ALOX5AP: variants seen among roughly 807,000 people sequenced by gnomAD.
The protein encoded by ALOX5AP is arachidonate 5-lipoxygenase-activating protein.
A neutral mutation model predicts 18.5 loss-of-function variants in ALOX5AP; 9 were observed. That is an observed-to-expected ratio of 0.49 (90% CI 0.29 to 0.85). The LOEUF (loss-of-function observed/expected upper bound fraction) is 0.85. Among genes scored for constraint, ALOX5AP ranks in the 40% least tolerant of loss-of-function variants. The probability of loss-of-function intolerance (pLI) is 0.08; values close to 1 mark genes in which losing one functional copy is unlikely to be tolerated. For missense variants in ALOX5AP, 172 were observed against 202.5 expected (o/e 0.85, Z 0.91); for synonymous variants, 81 against 78.6 (o/e 1.03, Z -0.16).
rs59980433 is a variant in ALOX5AP, at chr13:30,741,103, C to CTTTTTTTTTTTTTTTTT, written c.71-2938_71-2922dup. 1.9e-4 allele frequency among the ~76,000 whole-genome samples: 12 copies of CTTTTTTTTTTTTTTTTT among 64,008 alleles called. 2 individuals are homozygous for CTTTTTTTTTTTTTTTTT. The highest frequency in any genetic ancestry group is 2.5e-4 in the Non-Finnish European group (9 of 36,054). 42.0% of individuals were successfully genotyped at this position (64,008 alleles called of 152,430 possible). A position where few individuals can be genotyped will look rare whatever the true frequency, so the allele number is the denominator to read the frequency against. Reference sequence around the variant, plus strand: ...TTAACCTACACACATCCTCCATATCCTTTTTTTTTTTTTTTTTTTTTTTTT... The same window carrying CTTTTTTTTTTTTTTTTT: ...TTAACCTACACACATCCTCCATATCCTTTTTTTTTTTTTTTTTTTTTTTTTTTTTTTTTTTTTTTTTT... On this transcript the variant is annotated intron_variant, in intron 1 of 4. Transcript: ENST00000380490.
intron 1 of ALOX5AP, among the ~76,000 whole-genome samples, chr13:30,729,476 T>A (rs1951663984): frequency 6.6e-6 from 1 of 152,140 alleles, no homozygotes; most frequent in Non-Finnish European, 1.5e-5. Flanking sequence ...AACTGAATGT[T>A]CCCAAGGCAG....
intron 1 of ALOX5AP, among the ~76,000 whole-genome samples, chr13:30,727,801 A>T (rs114616845): frequency 1.6e-3 from 244 of 152,244 alleles, no homozygotes; most frequent in African/African-American, 5.5e-3. Context: ...TTCTAGCCCA[A>T]CCTGTGGTTT....
intron 1 of ALOX5AP, among the ~76,000 whole-genome samples, chr13:30,743,185 G>A (rs1307613116): frequency 6.6e-6 from 1 of 151,996 alleles, no homozygotes; most frequent in African/African-American, 2.4e-5. Flanking sequence ...TGAAGACCTG[G>A]CTCAGTTATT....
intron 1 of ALOX5AP, among the ~76,000 whole-genome samples, chr13:30,715,767 C>G (rs1202593345): frequency 6.6e-6 from 1 of 151,860 alleles, no homozygotes; most frequent in Non-Finnish European, 1.5e-5. Context: ...ATGATCATCC[C>G]CTTGGGCTTC....
At chr13:30,760,645 A>G (rs1951933950) in intron 4 of ALOX5AP, among the ~76,000 whole-genome samples, 1 of 152,242 alleles carries the variant, frequency 6.6e-6, no homozygotes, top group Non-Finnish European at 1.5e-5. Flanking sequence ...TCACACAGGC[A>G]GGTCTGAACT....
At chr13:30,740,788 GA>G (rs1222937379) in intron 1 of ALOX5AP, among the ~76,000 whole-genome samples, 4 of 152,178 alleles carry the variant, frequency 2.6e-5, no homozygotes, top group Non-Finnish European at 4.4e-5. Context: ...GTGGGAGAAG[GA>G]GCAATGAAAT....
chr13:30,715,692 A>G (rs552730716), intron 1 of ALOX5AP, among the ~76,000 whole-genome samples: 1 of 152,296 alleles, frequency 6.6e-6, no homozygotes, highest in African/African-American at 2.4e-5. Context: ...GGTCTTTCCC[A>G]TGAGGATATG....
intron 4 of ALOX5AP, among the ~76,000 whole-genome samples, chr13:30,756,883 C>G (rs1951900720): frequency 6.8e-6 from 1 of 147,882 alleles, no homozygotes; most frequent in South Asian, 2.2e-4. Context: ...ATCACCATTG[C>G]ATTGTTTATA....
chr13:30,735,266 C>A (rs976456347), upstream of ALOX5AP, among the ~76,000 whole-genome samples: 1 of 151,846 alleles, frequency 6.6e-6, no homozygotes, highest in Non-Finnish European at 1.5e-5. Context: ...GTGCTGGGCT[C>A]GTGCTGGTCA....
intron 4 of ALOX5AP, among the ~76,000 whole-genome samples, chr13:30,758,786 C>T (rs1226440249): frequency 6.6e-6 from 1 of 151,122 alleles, no homozygotes; most frequent in Admixed American, 6.6e-5. Flanking sequence ...TTCTCTTTTC[C>T]CCTTCCCTTC....
chr13:30,718,318 A>G (rs2137784922), intron 1 of ALOX5AP, among the ~76,000 whole-genome samples: 1 of 151,134 alleles, frequency 6.6e-6, no homozygotes, highest in Admixed American at 6.6e-5. Context: ...TTATAACAAG[A>G]CTGTAGTAAG....
At chr13:30,763,257 G>A (rs1440394794) in intron 4 of ALOX5AP, among the ~76,000 whole-genome samples, 1 of 152,186 alleles carries the variant, frequency 6.6e-6, no homozygotes, top group Middle Eastern at 3.2e-3. Flanking sequence ...GCAGTGAGCC[G>A]AGATTGCACC....
intron 4 of ALOX5AP, among the ~76,000 whole-genome samples, chr13:30,757,203 T>G (rs1183879998): frequency 6.6e-6 from 1 of 152,132 alleles, no homozygotes; most frequent in Non-Finnish European, 1.5e-5. Context: ...GCTCTATGAT[T>G]AGATAGCATC....
intron 1 of ALOX5AP, among the ~76,000 whole-genome samples, chr13:30,716,608 C>G (rs1193495794): frequency 6.6e-6 from 1 of 152,186 alleles, no homozygotes; most frequent in Non-Finnish European, 1.5e-5. Flanking sequence ...ATATCAGCCC[C>G]CCTGCAATGA....
intron 2 of ALOX5AP, among the ~76,000 whole-genome samples, chr13:30,744,680 T>C (rs1951795142): frequency 1.3e-5 from 2 of 152,232 alleles, no homozygotes; most frequent in African/African-American, 2.4e-5. Context: ...TAGCAGGTGC[T>C]TTCCCCCTCT....
At chr13:30,745,614 A>T (rs17238773) in intron 2 of ALOX5AP, among the ~76,000 whole-genome samples, 11,441 of 152,344 alleles carry the variant, frequency 0.075, 538 homozygotes, top group East Asian at 0.11. Context: ...TCTTCCATGT[A>T]TTAATTCTCA....
chr13:30,748,723 A>T (rs372847754), intron 2 of ALOX5AP, among the ~76,000 whole-genome samples: 4 of 152,246 alleles, frequency 2.6e-5, no homozygotes, highest in East Asian at 3.8e-4. Context: ...GCCAGGTGGC[A>T]CTTCACCTTG....
chr13:30,734,925 A>G (rs186456214), upstream of ALOX5AP, among the ~76,000 whole-genome samples: 11 of 152,218 alleles, frequency 7.2e-5, no homozygotes, highest in East Asian at 2.1e-3. Context: ...TTTTTCTTGG[A>G]ATTCAAAAAA....
At position 30,750,170 on chromosome 13, in the gene ALOX5AP, G is replaced by A. The variant is rs142878717; in HGVS notation, c.171-1882G>A. ...CGATGCTGCTGCCGCCTCTGGTCCC[G>A]AGAGCATGCCTGGAGAACTGCCACC... On this transcript the variant is annotated intron_variant, in intron 2 of 4. Transcript: ENST00000380490. Among the ~76,000 whole-genome samples the A allele has an allele frequency of 1.5e-3, 232 of 152,248 alleles. 1 individual carries two copies. Among genetic ancestry groups the A allele is most frequent in the African/African-American group, 3.9e-3 (160 of 41,552 alleles).
Sources: allele counts gnomAD v4.1 joint callset (sites outside exome capture counted in the v4.1 genomes callset), GRCh38; gene constraint gnomAD v4.1.1; transcripts MANE v1.5; gene names NCBI Gene and HGNC (gene_info 2026-07-23, HGNC 2026-07-21).